The following COL26A1 variants were observed in gnomAD, a reference collection of about 807,000 sequenced individuals.
COL26A1 encodes the protein collagen alpha-1(XXVI) chain.
COL26A1 carries 41 observed loss-of-function variants against 59.3 expected under a neutral mutation model. The observed-to-expected ratio is 0.69, with a 90% CI of 0.54 to 0.90. The LOEUF (loss-of-function observed/expected upper bound fraction) is 0.90. Ranked by LOEUF, COL26A1 falls within the 40% of genes least tolerant of loss-of-function variation. The pLI, the probability that COL26A1 is intolerant of heterozygous loss-of-function variation, is 0.00. For synonymous variants in COL26A1, 266 were observed against 256.0 expected (o/e 1.04, Z -0.37); for missense variants, 612 against 602.3 (o/e 1.02, Z -0.17).
chr7:101,438,858 AT>A lies in COL26A1; in HGVS notation c.282-8821del, dbSNP rs1301094190. ...GCTAATTTTTGTATTTTTAGTAGAG[AT>A]TTTTAGTAGAGATGGGGTTTCACCA... is the stretch of plus-strand genomic sequence containing the variant. On this transcript the variant is annotated intron_variant, in intron 2 of 12. Transcript: ENST00000313669. 9.7e-5 allele frequency among the ~76,000 whole-genome samples: 14 copies of A among 144,964 alleles called. 1 individual carries two copies. The South Asian group carries it at 2.3e-3, about 24-fold the overall frequency.
chr7:101,387,765 TATATA>T (rs1351532595), intron 1 of COL26A1, among the ~76,000 whole-genome samples: 7 of 49,142 alleles, frequency 1.4e-4, no homozygotes, highest in African/African-American at 4.0e-4. Flanking sequence ...TATATATATA[TATATA>T]TATATATATT....
chr7:101,374,992 G>A lies in COL26A1; in HGVS notation c.158+11802G>A, dbSNP rs6952387. On this transcript the variant is annotated intron_variant, in intron 1 of 12. Coordinates refer to ENST00000313669, the MANE Select transcript of COL26A1 (RefSeq NM_001278563.3). ...AGGAGAATCGCTTGACCTGTGAAGC[G>A]GAGGTTGCAGTGAGCCGAGATCACA... 3.2e-3 allele frequency among the ~76,000 whole-genome samples: 478 copies of A among 151,148 alleles called. 2 individuals are homozygous for A. The highest frequency in any genetic ancestry group is 0.011 in the African/African-American group (463 of 41,174).
chr7:101,418,000 C>T (rs1792419634), intron 1 of COL26A1, among the ~76,000 whole-genome samples: 1 of 152,050 alleles, frequency 6.6e-6, no homozygotes, highest in Non-Finnish European at 1.5e-5. Flanking sequence ...GCTGGGATTA[C>T]AGGCATGAGT....
At chr7:101,503,026 C>T (rs1794736538) in intron 3 of COL26A1, among the ~76,000 whole-genome samples, 1 of 152,192 alleles carries the variant, frequency 6.6e-6, no homozygotes, top group Non-Finnish European at 1.5e-5. Context: ...CTGCCTGCTG[C>T]CCCCAGAACC....
At chr7:101,465,064 G>T (rs1441397583) in intron 3 of COL26A1, among the ~76,000 whole-genome samples, 1 of 142,582 alleles carries the variant, frequency 7.0e-6, no homozygotes, top group Non-Finnish European at 1.5e-5. Flanking sequence ...TTGGGACAGA[G>T]TCTCATTCTG....
At chr7:101,543,804 T>A (rs537602786) in intron 5 of COL26A1, among the ~76,000 whole-genome samples, 194 bp from the exon 6 acceptor site, 1 of 152,344 alleles carries the variant, frequency 6.6e-6, no homozygotes, top group South Asian at 2.1e-4. Flanking sequence ...CATAGATGTT[T>A]GTAAGTGCAA....
At chr7:101,439,469 A>G (rs1209539106) in intron 2 of COL26A1, among the ~76,000 whole-genome samples, 2 of 147,246 alleles carry the variant, frequency 1.4e-5, no homozygotes, top group Non-Finnish European at 3.0e-5. Context: ...CAGGAGAATC[A>G]CTTGAACCCA....
chr7:101,488,375 T>C (rs1229873318), intron 3 of COL26A1, among the ~76,000 whole-genome samples: 1 of 87,100 alleles, frequency 1.1e-5, no homozygotes, highest in African/African-American at 4.2e-5. Context: ...TATATATATA[T>C]ATACACACAC....
chr7:101,516,518 G>A lies in COL26A1; in HGVS notation c.386-16564G>A, dbSNP rs191257750. Reference sequence around the variant, plus strand: ...AACTCCTGGGCTCAAGTGATCCTCCGGCCTCAGCTCCCAAAGTGCTGTGAT... The same window carrying A: ...AACTCCTGGGCTCAAGTGATCCTCCAGCCTCAGCTCCCAAAGTGCTGTGAT... On this transcript the variant is annotated intron_variant, in intron 3 of 12. Transcript: ENST00000313669. Among the ~76,000 whole-genome samples, 399 of 152,032 alleles carry A rather than the reference G, an allele frequency of 2.6e-3. 3 individuals carry two copies. Among genetic ancestry groups the A allele is most frequent in the Non-Finnish European group, 3.4e-3 (234 of 67,980 alleles).
At chr7:101,550,729 G>A (rs1329551198) in intron 9 of COL26A1, among the ~76,000 whole-genome samples, 1 of 152,120 alleles carries the variant, frequency 6.6e-6, no homozygotes, top group Non-Finnish European at 1.5e-5. Flanking sequence ...AGCTGGACAC[G>A]GGCCTGGGGC....
chr7:101,374,848 G>A (rs973202977), intron 1 of COL26A1, among the ~76,000 whole-genome samples: 10 of 152,252 alleles, frequency 6.6e-5, no homozygotes, highest in Non-Finnish European at 4.4e-5. Context: ...CTGAGGTCAT[G>A]ATGGAGTTTG....
intron 3 of COL26A1, among the ~76,000 whole-genome samples, chr7:101,510,214 TA>T (rs1794894696): frequency 6.6e-6 from 1 of 151,862 alleles, no homozygotes; most frequent in South Asian, 2.1e-4. Flanking sequence ...TGTAGAGATG[TA>T]GGGATCTCAC....
chr7:101,504,906 A>C (rs1794776586), intron 3 of COL26A1, among the ~76,000 whole-genome samples: 1 of 151,964 alleles, frequency 6.6e-6, no homozygotes, highest in Non-Finnish European at 1.5e-5. Flanking sequence ...CTGTAATCCC[A>C]ACTTTGGGAG....
chr7:101,387,089 C>T (rs1451296305), intron 1 of COL26A1, among the ~76,000 whole-genome samples: 2 of 152,082 alleles, frequency 1.3e-5, no homozygotes, highest in Non-Finnish European at 2.9e-5. Context: ...GCTCTGGGGG[C>T]GGCCAGGGGT....
chr7:101,491,994 G>C (rs182865326), intron 3 of COL26A1, among the ~76,000 whole-genome samples: 1 of 152,236 alleles, frequency 6.6e-6, no homozygotes, highest in Non-Finnish European at 1.5e-5. Context: ...GGGAACTTTG[G>C]TACAACAGGA....
intron 1 of COL26A1, among the ~76,000 whole-genome samples, chr7:101,405,301 G>A (rs923554095): frequency 6.6e-6 from 1 of 151,628 alleles, no homozygotes; most frequent in African/African-American, 2.4e-5. Context: ...CTTCTGGTAA[G>A]GAAAGGAGAC....
intron 3 of COL26A1, among the ~76,000 whole-genome samples, chr7:101,467,135 CAG>C (rs1376064183): frequency 6.6e-6 from 1 of 151,880 alleles, no homozygotes; most frequent in Non-Finnish European, 1.5e-5. Context: ...GTTGTGTAGA[CAG>C]AGGCCGGAAG....
chr7:101,497,008 C>T (rs879773446), intron 3 of COL26A1, among the ~76,000 whole-genome samples: 11 of 151,974 alleles, frequency 7.2e-5, no homozygotes, highest in Admixed American at 1.3e-4. Flanking sequence ...GAGGCCGAGG[C>T]GGGCAGATCA....
intron 1 of COL26A1, among the ~76,000 whole-genome samples, chr7:101,369,030 C>G (rs1195334757): frequency 6.6e-6 from 1 of 151,926 alleles, no homozygotes; most frequent in African/African-American, 2.4e-5. Context: ...TCCTCCTTTT[C>G]TTACACAGAG....
Sources: allele counts gnomAD v4.1 joint callset (sites outside exome capture counted in the v4.1 genomes callset), GRCh38; gene constraint gnomAD v4.1.1; transcripts MANE v1.5; gene names NCBI Gene and HGNC (gene_info 2026-07-23, HGNC 2026-07-21).